The following DIS3 variants were observed in gnomAD, a reference collection of about 807,000 sequenced individuals.
DIS3 encodes DIS3 exosome endoribonuclease and 3'-5' exoribonuclease.
A neutral mutation model predicts 113.0 loss-of-function variants in DIS3; 103 were observed. That is an observed-to-expected ratio of 0.91 (90% CI 0.78 to 1.07). The LOEUF is 1.07. DIS3 is among the 50% of genes least tolerant of loss of function. DIS3 has a pLI of 0.00. For missense variants in DIS3, 1,121 were observed against 1,167.1 expected, an observed-to-expected ratio of 0.96 and a Z score of 0.58; for synonymous variants, 402 against 394.3, an observed-to-expected ratio of 1.02 and a Z score of -0.23.
In DIS3 at chr13:72,754,053, A is replaced by G. The variant is rs367667211; in HGVS notation, c.*5742T>C. Reference sequence around the variant, plus strand: ...TAGCGTGTATTTGATGAGGGCATTTACTGAACCTTCCAGGTGGTGGTTATA... The same window carrying G: ...TAGCGTGTATTTGATGAGGGCATTTGCTGAACCTTCCAGGTGGTGGTTATA... On this transcript the variant is annotated 3_prime_UTR_variant, in exon 21 of 21. Transcript: ENST00000377767. The G allele has an allele frequency of 2.5e-6, 1 of 400,852 alleles. No homozygotes were observed. Among genetic ancestry groups the G allele is most frequent in the East Asian group, 4.5e-5 (1 of 22,026 alleles). The allele number at this position is 400,852 out of a possible 1,614,324, so 24.8% of individuals were successfully genotyped here. A position where few individuals can be genotyped will look rare whatever the true frequency, so the allele number is the denominator to read the frequency against.
In DIS3 at chr13:72,773,813, T is replaced by G. The variant is rs1353281408; in HGVS notation, c.1110A>C (p.Arg370Ser). 6.2e-7 allele frequency: 1 copy of G among 1,600,156 alleles called. No individual in the cohort carries two copies. Among genetic ancestry groups the G allele is most frequent in the Non-Finnish European group, 8.5e-7 (1 of 1,176,724 alleles). Residue 370 changes from arginine to serine, a missense_variant, in exon 8 of 21, where the codon AGA (arginine) becomes AGC (serine). Arg to Ser is a moderately radical substitution (Grantham distance 110). Coordinates refer to ENST00000377767, the MANE Select transcript of DIS3 (RefSeq NM_014953.5). ...TCTTATCAGCAGGTGTAAAGAGATG[T>G]CTTCTTGACTAGCAAAAATTAGGAA... Reference protein sequence around the residue: ...LSKSDIKESRRHLFTPADKRI... With the variant: ...LSKSDIKESRSHLFTPADKRI...
Position 72,755,116 on chromosome 13 carries a change from A to T in DIS3, c.*4679T>A. 1 of 1,596,248 alleles carries T rather than the reference A, an allele frequency of 6.3e-7. No homozygotes were observed. Among genetic ancestry groups the T allele is most frequent in the Non-Finnish European group, 8.6e-7 (1 of 1,164,706 alleles). ...ATTGCATCCTCCAGTGGTCCTACTT[A>T]AACTGAAAACAAGGTATTGTCTTCT... is the stretch of plus-strand genomic sequence containing the variant. On this transcript the variant is annotated 3_prime_UTR_variant, in exon 21 of 21. Coordinates refer to ENST00000377767, the MANE Select transcript of DIS3 (RefSeq NM_014953.5).
At chr13:72,766,505 A>G (rs17089743) in intron 14 of DIS3, among the ~76,000 whole-genome samples, 2,472 of 152,236 alleles carry the variant, frequency 0.016, 71 homozygotes, top group African/African-American at 0.055. Flanking sequence ...TAACACCAGA[A>G]GATCCACAGT....
In DIS3 at chr13:72,770,893, A is replaced by G. The variant is rs1021505240; in HGVS notation, c.1755+11T>C. 1.3e-6 allele frequency: 2 copies of G among 1,574,408 alleles called. No homozygotes were observed. Among genetic ancestry groups the G allele is most frequent in the Non-Finnish European group, 1.7e-6 (2 of 1,160,906 alleles). On this transcript the variant is annotated intron_variant, in intron 13 of 20. Transcript: ENST00000377767. ...GTTTAAAAATTAGAGATTAATAGCC[A>G]TGAAACGAACCTTTGAATTAATAAC... is the stretch of plus-strand genomic sequence containing the variant.
chr13:72,759,765 C>G lies in DIS3; in HGVS notation c.*30G>C, dbSNP rs769976625. On this transcript the variant is annotated 3_prime_UTR_variant, in exon 21 of 21. Transcript: ENST00000377767. ...CAAGTTTTTTCTTTTAAAAAAGAAA[C>G]CAGTCTTTGAAGATTTTTGTTGAAT... 1.3e-6 allele frequency: 2 copies of G among 1,575,182 alleles called. No individual in the cohort carries two copies. Among genetic ancestry groups the G allele is most frequent in the Non-Finnish European group, 1.7e-6 (2 of 1,152,776 alleles).
chr13:72,771,709 C>T, intron 11 of DIS3, 86 bp downstream of exon 11: 2 of 1,300,368 alleles, frequency 1.5e-6, no homozygotes, highest in Non-Finnish European at 2.1e-6. Flanking sequence ...CCACATTATT[C>T]CATGTATTTT....
At chr13:72,761,300 T>C in intron 19 of DIS3, 63 bp downstream of exon 19, 2 of 1,554,120 alleles carry the variant, frequency 1.3e-6, no homozygotes, top group East Asian at 2.3e-5. Context: ...ATAGGTACCA[T>C]TTATGAACTC....
intron 3 of DIS3, among the ~76,000 whole-genome samples, 200 bp downstream of exon 3, chr13:72,777,983 TAGTG>T (rs1368394522): frequency 3.9e-5 from 6 of 152,114 alleles, no homozygotes; most frequent in Admixed American, 6.5e-5. Context: ...CAGTTGCAAA[TAGTG>T]AGGGGAAAAT....
intron 1 of DIS3, 96 bp from the exon 2 acceptor site, chr13:72,781,099 G>T: frequency 2.1e-6 from 3 of 1,400,982 alleles, no homozygotes; most frequent in Non-Finnish European, 2.9e-6. Context: ...AATACTTTAT[G>T]TTTTAAAAAC....
At chr13:72,773,144 T>C (rs1311616068) in intron 8 of DIS3, among the ~76,000 whole-genome samples, 1 of 152,194 alleles carries the variant, frequency 6.6e-6, no homozygotes, top group African/African-American at 2.4e-5. Context: ...TCACTTTTCA[T>C]AGTCATGATC....
At position 72,759,827 on chromosome 13, in the gene DIS3, G is replaced by C; in HGVS notation, c.2845C>G (p.Pro949Ala). 6.2e-7 allele frequency: 1 copy of C among 1,612,524 alleles called. No individual in the cohort carries two copies. The highest frequency in any genetic ancestry group is 8.5e-7 in the Non-Finnish European group (1 of 1,179,280). ...TDTSNMDLNG[P>A]KKKKMKLGK ...CCAAGCTTCATCTTCTTTTTCTTTG[G>C]TCCATTAAGGTCCATGTTTGAAGTA... The change falls in exon 21 of 21, where the codon CCA becomes GCA. Residue 949 changes from proline (P) to alanine (A), a missense_variant. Physicochemically the swap from Pro to Ala is conservative, Grantham distance 27 (BLOSUM62 -1). Around this residue, in one of 3 missense-constraint regions of DIS3, gnomAD observed 861 missense variants for 915.5 expected, o/e 0.94. Coordinates refer to ENST00000377767, the MANE Select transcript of DIS3 (RefSeq NM_014953.5).
chr13:72,778,170 T>C lies in DIS3; in HGVS notation c.580+17A>G. ...CATTTGCAAACATGCACTAAGTACT[T>C]CTACATTTAGACTTACAAGTGAAAG... is the stretch of plus-strand genomic sequence containing the variant. On this transcript the variant is annotated intron_variant, in intron 3 of 20. Coordinates refer to ENST00000377767, the MANE Select transcript of DIS3 (RefSeq NM_014953.5). The C allele has an allele frequency of 6.4e-7, 1 of 1,555,598 alleles. No individual in the cohort carries two copies. Among genetic ancestry groups the C allele is most frequent in the Non-Finnish European group, 8.8e-7 (1 of 1,138,062 alleles).
chr13:72,761,887 T>C, intron 17 of DIS3, 36 bp downstream of exon 17: 1 of 1,612,282 alleles, frequency 6.2e-7, no homozygotes, highest in South Asian at 1.1e-5. Context: ...AAATTAACCA[T>C]TTTCTATCTC....
chr13:72,765,910 C>T (rs1038051291), intron 15 of DIS3, 62 bp downstream of exon 15: 3 of 1,170,108 alleles, frequency 2.6e-6, no homozygotes, highest in African/African-American at 1.6e-5. Flanking sequence ...TTTGTACTTA[C>T]AGTAGACATG....
rs1333813839 is a variant in DIS3 at position 72,772,254 on chromosome 13, G to A, written c.1408C>T (p.Leu470=). The change falls in exon 10 of 21, where the codon CTG becomes TTG. Residue 470 remains leucine, a synonymous_variant. Coordinates refer to ENST00000377767, the MANE Select transcript of DIS3 (RefSeq NM_014953.5). The stretch of plus-strand genomic sequence containing the variant: ...ACACTACAAATACACAGATGCCTCA[G>A]GTCTTCTCGGTTTTTCATGTCCTAG... ...TEKDMKNRED[L]RHLCICSVDP... is the part of the protein sequence containing the mutation. 4 of 1,612,156 alleles carry A rather than the reference G, an allele frequency of 2.5e-6. No individual in the cohort carries two copies. The highest frequency in any genetic ancestry group is 3.4e-6 in the Non-Finnish European group (4 of 1,179,674).
Position 72,771,853 on chromosome 13 carries a change from C to A in DIS3, c.1547G>T (p.Gly516Val), listed in dbSNP as rs538233920. ...IADVSHFIRP[G>V]NALDQESARR... ...GGCTGATTCTTGATCCAAGGCATTT[C>A]CTGGCCTAATAAAATGGCTCACATC... is the stretch of plus-strand genomic sequence containing the variant. The change falls in exon 11 of 21, where the codon GGA (glycine) becomes GTA (valine). Residue 516 changes from glycine (G) to valine (V), a missense_variant. By Grantham distance (109) the Gly-to-Val change is moderately radical (BLOSUM62 -3). Coordinates refer to ENST00000377767, the MANE Select transcript of DIS3 (RefSeq NM_014953.5). The A allele has an allele frequency of 1.1e-4, 180 of 1,613,760 alleles. 1 individual carries two copies. The South Asian group carries it at 1.9e-3, about 17-fold the overall frequency.
chr13:72,781,258 C>A, intron 1 of DIS3: 1 of 1,550,466 alleles, frequency 6.4e-7, no homozygotes, highest in Non-Finnish European at 8.7e-7. Context: ...AATACGTTGG[C>A]CCACATAGTT....
chr13:72,781,466 A>G, intron 1 of DIS3, 139 bp downstream of exon 1: 1 of 1,448,694 alleles, frequency 6.9e-7, no homozygotes, highest in Non-Finnish European at 9.2e-7. Flanking sequence ...GGGGAACAGG[A>G]AGCTTCGGTC....
At position 72,752,832 on chromosome 13, in the gene DIS3, G is replaced by A. The variant is rs2033313896; in HGVS notation, c.*6963C>T. The A allele has an allele frequency of 6.6e-6, 1 of 152,176 alleles. No individual in the cohort carries two copies. Among genetic ancestry groups the A allele is most frequent in the South Asian group, 2.1e-4 (1 of 4,836 alleles). 9.4% of individuals were successfully genotyped at this position (152,176 alleles called of 1,614,324 possible). On this transcript the variant is annotated 3_prime_UTR_variant, in exon 21 of 21. Coordinates refer to ENST00000377767, the MANE Select transcript of DIS3 (RefSeq NM_014953.5). ...CCTTTGTGAGGGAAACAAAATGACA[G>A]TCAGCTTTTTCCTTCCCTCTGATCC... is the stretch of plus-strand genomic sequence containing the variant.
Sources: gnomAD v4.1 joint callset for allele counts (sites outside exome capture counted in the v4.1 genomes callset) on GRCh38, gnomAD v4.1.1 for gene constraint, gnomAD v4.1.1 regional missense constraint, MANE v1.5 for transcripts, NCBI Gene and HGNC (gene_info 2026-07-23, HGNC 2026-07-21) for gene names.